The following NAV3 variants were observed in gnomAD, a reference collection of about 807,000 sequenced individuals.
The protein encoded by NAV3 is pore membrane and/or filament interacting like protein 1.
A neutral mutation model predicts 244.7 loss-of-function variants in NAV3; 87 were observed. The ratio of observed to expected loss-of-function variants is 0.36; its 90% CI spans 0.30 to 0.42. The LOEUF (loss-of-function observed/expected upper bound fraction) is 0.42, where lower values mean the gene tolerates loss of function less well. Among genes scored for constraint, NAV3 ranks in the 20% least tolerant of loss-of-function variants. NAV3 has a pLI of 1.00. For synonymous variants in NAV3, 1,126 were observed against 1,042.2 expected, an observed-to-expected ratio of 1.08 and a Z score of -1.55; for missense variants, 2,663 against 2,893.3, an observed-to-expected ratio of 0.92 and a Z score of 1.83.
rs145973821 is a variant in NAV3 at position 78,169,986 on chromosome 12, C to T, written c.4981+1120C>T. 3.4e-3 allele frequency among the ~76,000 whole-genome samples: 510 copies of T among 151,608 alleles called. 1 individual carries two copies. Among genetic ancestry groups the T allele is most frequent in the African/African-American group, 0.011 (464 of 41,392 alleles). ...TATCCATTTGTTAATTGTTGATATCCTAAGCTCTCTTCCATTATGATTCTA... is the reference window on the plus strand; with the variant it reads ...TATCCATTTGTTAATTGTTGATATCTTAAGCTCTCTTCCATTATGATTCTA... On this transcript the variant is annotated intron_variant, in intron 24 of 39. Transcript: ENST00000397909.
At chr12:77,879,559 C>A (rs1334621662) in intron 1 of NAV3, among the ~76,000 whole-genome samples, 1 of 151,648 alleles carries the variant, frequency 6.6e-6, no homozygotes, top group Non-Finnish European at 1.5e-5. Flanking sequence ...CCTATAATCC[C>A]AGCTACTCAG....
intron 26 of NAV3, 124 bp from the exon 27 acceptor site, chr12:78,177,017 A>T: frequency 1.2e-6 from 1 of 853,490 alleles, no homozygotes; most frequent in Non-Finnish European, 1.9e-6. Flanking sequence ...TGCAATTGTT[A>T]ATACTCTGCT....
At chr12:78,042,705 C>T (rs761532128) in intron 9 of NAV3, among the ~76,000 whole-genome samples, 1 of 152,126 alleles carries the variant, frequency 6.6e-6, no homozygotes. Context: ...AGGGGAATCG[C>T]TTGAATTCCA....
chr12:77,957,728 G>T (rs1891501275), intron 3 of NAV3, among the ~76,000 whole-genome samples: 1 of 152,010 alleles, frequency 6.6e-6, no homozygotes, highest in Non-Finnish European at 1.5e-5. Flanking sequence ...GTAGTGGGGT[G>T]ATCTCGGCTC....
chr12:77,833,990 T>C (rs1462979030), intron 1 of NAV3, among the ~76,000 whole-genome samples: 1 of 152,110 alleles, frequency 6.6e-6, no homozygotes, highest in African/African-American at 2.4e-5. Flanking sequence ...TATGTGTTCC[T>C]TTCGACGTCC....
intron 15 of NAV3, among the ~76,000 whole-genome samples, chr12:78,120,512 G>C (rs1051350175): frequency 3.9e-5 from 6 of 152,134 alleles, no homozygotes; most frequent in Non-Finnish European, 8.8e-5. Flanking sequence ...TCCAGTGTTT[G>C]GTACAGTATC....
At chr12:77,707,427 G>A (rs1341765898) in intron 2 of NAV3, among the ~76,000 whole-genome samples, 4 of 152,108 alleles carry the variant, frequency 2.6e-5, no homozygotes, top group Admixed American at 2.6e-4. Flanking sequence ...ATTCCATGGT[G>A]TATATGTGCC....
At chr12:78,149,823 G>T (rs1430124307) in intron 22 of NAV3, among the ~76,000 whole-genome samples, 1 of 151,986 alleles carries the variant, frequency 6.6e-6, no homozygotes, top group Non-Finnish European at 1.5e-5. Context: ...GACCCACAGT[G>T]TAAGACTTGA....
At chr12:78,110,827 A>T (rs1029125561) in intron 12 of NAV3, among the ~76,000 whole-genome samples, 4 of 152,076 alleles carry the variant, frequency 2.6e-5, no homozygotes, top group African/African-American at 9.7e-5. Flanking sequence ...GAATTGGAAG[A>T]CTATCTGCCA....
chr12:77,894,710 G>T (rs73342759), intron 1 of NAV3, among the ~76,000 whole-genome samples: 3,024 of 152,302 alleles, frequency 0.02, 37 homozygotes, highest in African/African-American at 0.035. Flanking sequence ...CTGAGTAGAA[G>T]CAACAGAATG....
intron 34 of NAV3, among the ~76,000 whole-genome samples, chr12:78,192,348 A>C (rs1302528227): frequency 2.0e-5 from 3 of 152,002 alleles, no homozygotes; most frequent in Non-Finnish European, 4.4e-5. Flanking sequence ...TGATGCTAGG[A>C]AACAGTCATA....
intron 9 of NAV3, among the ~76,000 whole-genome samples, chr12:78,029,611 T>C (rs973052269): frequency 1.3e-5 from 2 of 152,152 alleles, no homozygotes; most frequent in Non-Finnish European, 2.9e-5. Flanking sequence ...CTGCTTCTGA[T>C]GTTTCTTCTC....
chr12:77,984,407 G>A (rs1362989538), intron 5 of NAV3, among the ~76,000 whole-genome samples: 1 of 152,050 alleles, frequency 6.6e-6, no homozygotes, highest in African/African-American at 2.4e-5. Flanking sequence ...AGGTGTGCAG[G>A]GTAATAGCGG....
chr12:77,790,145 G>T (rs1027351901), intron 2 of NAV3, among the ~76,000 whole-genome samples: 3 of 152,100 alleles, frequency 2.0e-5, no homozygotes, highest in Admixed American at 2.0e-4. Context: ...GCCTCTCAGT[G>T]CCCCTACTGT....
At chr12:77,889,940 T>G (rs1883737520) in intron 1 of NAV3, among the ~76,000 whole-genome samples, 1 of 152,196 alleles carries the variant, frequency 6.6e-6, no homozygotes, top group Admixed American at 6.5e-5. Context: ...GTTATCATTC[T>G]TGGCCTATAG....
chr12:78,206,357 AT>A lies in NAV3; in HGVS notation c.7038+1221del, dbSNP rs550183215. The stretch of plus-strand genomic sequence containing the variant: ...CATAATTGTGAGCATATACTAAATA[AT>A]TGCTGATAGAATGATTAACAGAGTA... On this transcript the variant is annotated intron_variant, in intron 39 of 39. Transcript: ENST00000397909. Among the ~76,000 whole-genome samples, 23 of 152,278 alleles carry A rather than the reference AT, an allele frequency of 1.5e-4. No homozygotes were observed. The South Asian group carries it at 4.8e-3, about 32-fold the overall frequency.
At chr12:78,051,946 G>A (rs1455070020) in intron 11 of NAV3, among the ~76,000 whole-genome samples, 2 of 152,182 alleles carry the variant, frequency 1.3e-5, no homozygotes, top group African/African-American at 4.8e-5. Flanking sequence ...TATGGATAAG[G>A]AAACTGAGTC....
intron 5 of NAV3, among the ~76,000 whole-genome samples, chr12:77,988,389 G>A (rs1251472391): frequency 1.3e-5 from 2 of 152,100 alleles, no homozygotes; most frequent in Non-Finnish European, 2.9e-5. Context: ...CTCCACATGA[G>A]GATTTACACT....
intron 2 of NAV3, among the ~76,000 whole-genome samples, chr12:77,705,677 C>T (rs1875763828): frequency 6.6e-6 from 1 of 151,230 alleles, no homozygotes; most frequent in South Asian, 2.1e-4. Context: ...ATTGTTTGTT[C>T]CCCCGGGGGT....
Sources: gnomAD v4.1 joint callset for allele counts (sites outside exome capture counted in the v4.1 genomes callset) on GRCh38, gnomAD v4.1.1 for gene constraint, MANE v1.5 for transcripts, NCBI Gene and HGNC (gene_info 2026-07-23, HGNC 2026-07-21) for gene names.